The following IQGAP2 variants were observed in gnomAD, a reference collection of about 807,000 sequenced individuals.
IQGAP2 encodes the protein IQ motif containing GTPase activating protein 2.
IQGAP2 carries 173 observed loss-of-function variants against 201.3 expected under a neutral mutation model. The observed-to-expected ratio is 0.86, with a 90% CI of 0.76 to 0.98. The LOEUF (loss-of-function observed/expected upper bound fraction) is 0.98, where lower values mean the gene tolerates loss of function less well. Among genes scored for constraint, IQGAP2 ranks in the 50% least tolerant of loss-of-function variants. The probability of loss-of-function intolerance (pLI) is 0.00; values close to 1 mark genes in which losing one functional copy is unlikely to be tolerated. For synonymous variants in IQGAP2, 675 were observed against 673.9 expected, an observed-to-expected ratio of 1.00 and a Z score of -0.03; for missense variants, 1,687 against 1,864.8, an observed-to-expected ratio of 0.90 and a Z score of 1.76.
Position 76,577,966 on chromosome 5 carries a change from C to G in IQGAP2, c.458+2197C>G, listed in dbSNP as rs75629350. Among the ~76,000 whole-genome samples the G allele has an allele frequency of 3.2e-3, 486 of 152,252 alleles. 2 individuals are homozygous for G. The highest frequency in any genetic ancestry group is 0.011 in the African/African-American group (462 of 41,542). ...TCCCTAGGAAGTTAAGCTTGCCAGG[C>G]GCTGCCTTCTTCCTGCCCCAGCCTG... On this transcript the variant is annotated intron_variant, in intron 5 of 35. Coordinates refer to ENST00000274364, the MANE Select transcript of IQGAP2 (RefSeq NM_006633.5).
intron 2 of IQGAP2, among the ~76,000 whole-genome samples, chr5:76,504,572 C>A (rs1757490477): frequency 6.6e-6 from 1 of 152,092 alleles, no homozygotes; most frequent in African/African-American, 2.4e-5. Flanking sequence ...TTCCGTGAGC[C>A]CCAGATCTGT....
intron 10 of IQGAP2, 55 bp downstream of exon 10, chr5:76,597,657 A>T: frequency 6.3e-7 from 1 of 1,578,750 alleles, no homozygotes; most frequent in Admixed American, 1.7e-5. Context: ...GCCATGGCGC[A>T]CTAGGGAAGC....
At chr5:76,560,280 G>A (rs1157156722) in intron 2 of IQGAP2, among the ~76,000 whole-genome samples, 1 of 150,450 alleles carries the variant, frequency 6.6e-6, no homozygotes, top group Admixed American at 6.6e-5. Context: ...AACCCCCTGA[G>A]TAACTGGGAC....
At chr5:76,683,302 A>G in intron 29 of IQGAP2, 85 bp downstream of exon 29, 1 of 788,636 alleles carries the variant, frequency 1.3e-6, no homozygotes, top group African/African-American at 1.8e-5. Context: ...TTCCTATCCT[A>G]GATAAAACAA....
At chr5:76,574,056 G>A (rs1421126771) in intron 4 of IQGAP2, among the ~76,000 whole-genome samples, 1 of 152,058 alleles carries the variant, frequency 6.6e-6, no homozygotes, top group East Asian at 1.9e-4. Flanking sequence ...AAGAAACTTT[G>A]CTTCTTTCTT....
chr5:76,514,513 A>G (rs1245444719), intron 2 of IQGAP2, among the ~76,000 whole-genome samples: 2 of 152,122 alleles, frequency 1.3e-5, no homozygotes, highest in South Asian at 4.1e-4. Context: ...ACCTCCTGCC[A>G]TCAGATTAAT....
intron 2 of IQGAP2, among the ~76,000 whole-genome samples, chr5:76,554,199 G>A (rs1743752423): frequency 6.6e-6 from 1 of 152,078 alleles, no homozygotes; most frequent in Non-Finnish European, 1.5e-5. Flanking sequence ...TATACAGAAA[G>A]TAGTTCAAAA....
At chr5:76,480,823 C>G (rs1201643033) in intron 2 of IQGAP2, among the ~76,000 whole-genome samples, 1 of 149,814 alleles carries the variant, frequency 6.7e-6, no homozygotes, top group Non-Finnish European at 1.5e-5. Context: ...TCTTGTGCCC[C>G]TATAACAGAG....
intron 17 of IQGAP2, among the ~76,000 whole-genome samples, chr5:76,645,784 CATA>C (rs1751989740): frequency 6.7e-6 from 1 of 149,702 alleles, no homozygotes; most frequent in South Asian, 2.1e-4. Context: ...TGAGATGAAA[CATA>C]ATAATGAGCT....
At chr5:76,673,700 C>T (rs1300608262) in intron 25 of IQGAP2, 111 bp downstream of exon 25, 2 of 1,179,648 alleles carry the variant, frequency 1.7e-6, no homozygotes, top group Admixed American at 2.2e-5. Context: ...ATTGTGTTTA[C>T]TATTTTAAAA....
intron 30 of IQGAP2, 37 bp downstream of exon 30, chr5:76,683,954 A>G: frequency 1.3e-6 from 2 of 1,566,344 alleles, no homozygotes; most frequent in Non-Finnish European, 1.7e-6. Context: ...GTCTCCAAAT[A>G]CACATCTTAA....
chr5:76,661,645 G>T (rs1427569536), intron 21 of IQGAP2, among the ~76,000 whole-genome samples: 1 of 152,130 alleles, frequency 6.6e-6, no homozygotes, highest in Non-Finnish European at 1.5e-5. Flanking sequence ...CCTGGAAAAT[G>T]TTCTAGGTGA....
intron 2 of IQGAP2, among the ~76,000 whole-genome samples, chr5:76,475,072 G>A (rs1017915980): frequency 1.3e-5 from 2 of 152,234 alleles, no homozygotes; most frequent in Non-Finnish European, 2.9e-5. Flanking sequence ...ATTTGAGATA[G>A]CATCTATGGC....
chr5:76,689,068 C>T (rs1166162608), intron 30 of IQGAP2, among the ~76,000 whole-genome samples: 1 of 151,802 alleles, frequency 6.6e-6, no homozygotes, highest in Admixed American at 6.6e-5. Flanking sequence ...TACTGAGTAA[C>T]GGAGGCTGGA....
intron 2 of IQGAP2, among the ~76,000 whole-genome samples, chr5:76,529,985 G>C (rs1052930596): frequency 2.0e-5 from 3 of 152,032 alleles, no homozygotes; most frequent in African/African-American, 4.8e-5. Flanking sequence ...GTTGCTTTTT[G>C]CAACTATCAA....
At chr5:76,424,173 G>T (rs1194814221) in intron 1 of IQGAP2, among the ~76,000 whole-genome samples, 1 of 152,012 alleles carries the variant, frequency 6.6e-6, no homozygotes, top group East Asian at 1.9e-4. Context: ...ATTCGTGAGG[G>T]GCTTCAATAT....
chr5:76,422,244 A>C (rs924117426), intron 1 of IQGAP2, among the ~76,000 whole-genome samples: 1 of 152,182 alleles, frequency 6.6e-6, no homozygotes, highest in African/African-American at 2.4e-5. Context: ...CTGTGGCCTT[A>C]AAGTAAGCAG....
intron 11 of IQGAP2, among the ~76,000 whole-genome samples, chr5:76,605,485 C>G (rs1018509325): frequency 6.6e-6 from 1 of 152,156 alleles, no homozygotes; most frequent in African/African-American, 2.4e-5. Flanking sequence ...TGAGCCACCA[C>G]GCCAGGCCTA....
At chr5:76,589,530 C>A in intron 6 of IQGAP2, 85 bp from the exon 7 acceptor site, 2 of 679,622 alleles carry the variant, frequency 2.9e-6, no homozygotes, top group Admixed American at 3.4e-5. Flanking sequence ...GAAGACATTT[C>A]TTGATATGAT....
Sources: gnomAD v4.1 joint callset for allele counts (sites outside exome capture counted in the v4.1 genomes callset) on GRCh38, gnomAD v4.1.1 for gene constraint, MANE v1.5 for transcripts, NCBI Gene and HGNC (gene_info 2026-07-23, HGNC 2026-07-21) for gene names.